Variants in KLHL8 observed in about 807,000 individuals in gnomAD.
KLHL8 encodes kelch like family member 8, also known as kelch-like protein 8.
KLHL8 carries 38 observed loss-of-function variants against 63.5 expected under a neutral mutation model. That is an observed-to-expected ratio of 0.60 (90% CI 0.46 to 0.78). The LOEUF (loss-of-function observed/expected upper bound fraction) is 0.78, where lower values mean the gene tolerates loss of function less well. Among genes scored for constraint, KLHL8 ranks in the 30% least tolerant of loss-of-function variants. KLHL8 has a pLI of 0.00. For missense variants in KLHL8, 566 were observed against 752.4 expected (o/e 0.75, Z 2.90); for synonymous variants, 224 against 254.3 (o/e 0.88, Z 1.13).
chr4:87,176,845 G>C lies in KLHL8; in HGVS notation c.1120C>G (p.His374Asp), dbSNP rs1188291814. ...CTCCCTAAATGTTCATTTCCATCAT[G>C]TCCACCTACTGCATACACTTTACCT... ...VEGKVYAVGGHDGNEHLGSME... is the reference protein window; with the variant it reads ...VEGKVYAVGGDDGNEHLGSME... Residue 374 changes from histidine to aspartate, a missense_variant, in exon 6 of 10, where the codon CAT becomes GAT. By Grantham distance (81) the His-to-Asp change is moderately conservative. Transcript: ENST00000273963. The C allele has an allele frequency of 6.2e-7, 1 of 1,602,746 alleles. No homozygotes were observed. Among genetic ancestry groups the C allele is most frequent in the Non-Finnish European group, 8.5e-7 (1 of 1,173,660 alleles).
chr4:87,223,742 T>C (rs1732924799), upstream of KLHL8, among the ~76,000 whole-genome samples: 1 of 152,220 alleles, frequency 6.6e-6, no homozygotes, highest in South Asian at 2.1e-4. Context: ...TAAAAAGTGA[T>C]ATATCTGTAA....
At chr4:87,213,650 T>G (rs1248361941) in intron 1 of KLHL8, among the ~76,000 whole-genome samples, 1 of 152,218 alleles carries the variant, frequency 6.6e-6, no homozygotes, top group African/African-American at 2.4e-5. Context: ...ATGTCTTTAT[T>G]TTTAAAAGAA....
intron 1 of KLHL8, among the ~76,000 whole-genome samples, chr4:87,216,865 A>G (rs1732615758): frequency 1.3e-5 from 2 of 152,262 alleles, no homozygotes; most frequent in Non-Finnish European, 2.9e-5. Context: ...AGTTGATTAT[A>G]GCTTAGAGAA....
chr4:87,220,092 G>A (rs933244590), intron 1 of KLHL8: 1 of 152,726 alleles, frequency 6.5e-6, no homozygotes, highest in Non-Finnish European at 1.5e-5. Context: ...TGCCGGGGAG[G>A]CTGACAGAGC....
intron 6 of KLHL8, among the ~76,000 whole-genome samples, chr4:87,176,098 A>C (rs1320405096): frequency 6.6e-6 from 1 of 152,242 alleles, no homozygotes; most frequent in Non-Finnish European, 1.5e-5. Flanking sequence ...AGATTAATTA[A>C]TACTACTGTT....
chr4:87,193,058 T>C (rs1309179424), intron 2 of KLHL8, among the ~76,000 whole-genome samples: 2 of 152,186 alleles, frequency 1.3e-5, no homozygotes, highest in East Asian at 1.9e-4. Context: ...TGTACACTTA[T>C]GCTACACTAA....
At chr4:87,189,805 G>A (rs555248220) in intron 2 of KLHL8, among the ~76,000 whole-genome samples, 4 of 151,922 alleles carry the variant, frequency 2.6e-5, no homozygotes, top group East Asian at 1.9e-4. Flanking sequence ...CGAGGAGGGC[G>A]GATCAGGAGG....
At chr4:87,179,822 A>T (rs756938962) in intron 4 of KLHL8, among the ~76,000 whole-genome samples, 3 of 152,054 alleles carry the variant, frequency 2.0e-5, no homozygotes, top group Non-Finnish European at 4.4e-5. Context: ...AAATTTTGTT[A>T]TATATATTTT....
At chr4:87,207,066 T>C (rs559012901) in intron 1 of KLHL8, 38 of 441,548 alleles carry the variant, frequency 8.6e-5, no homozygotes, top group African/African-American at 5.7e-4. Context: ...TTCTCATGCA[T>C]TGCCAGCTGC....
At position 87,160,202 on chromosome 4, in the gene KLHL8, T is replaced by C. The variant is rs1324918512; in HGVS notation, c.*3317A>G. The C allele has an allele frequency of 6.6e-6, 1 of 152,192 alleles. No homozygotes were observed. The highest frequency in any genetic ancestry group is 1.5e-5 in the Non-Finnish European group (1 of 68,000). 9.4% of individuals were successfully genotyped at this position (152,192 alleles called of 1,614,324 possible). A position where few individuals can be genotyped will look rare whatever the true frequency, so the allele number is the denominator to read the frequency against. ...CATAGTTGGTGATATATATGACCAC[T>C]TATTACATTGATTTTCTGGAGTATT... On this transcript the variant is annotated 3_prime_UTR_variant, in exon 10 of 10. Transcript: ENST00000273963.
upstream of KLHL8, among the ~76,000 whole-genome samples, chr4:87,222,893 TA>T (rs377716478): frequency 2.6e-5 from 4 of 152,192 alleles, no homozygotes; most frequent in African/African-American, 7.2e-5. Flanking sequence ...CTACAATATG[TA>T]TTTAGTAAGA....
chr4:87,183,718 C>T (rs1350931100), intron 3 of KLHL8, among the ~76,000 whole-genome samples: 1 of 152,160 alleles, frequency 6.6e-6, no homozygotes, highest in Admixed American at 6.5e-5. Context: ...CTTCCAAAAA[C>T]GGTACTGACA....
chr4:87,186,262 G>A (rs1731251346), intron 2 of KLHL8, among the ~76,000 whole-genome samples: 1 of 151,816 alleles, frequency 6.6e-6, no homozygotes, highest in Non-Finnish European at 1.5e-5. Context: ...TGGCCAGGTT[G>A]GTCTTGAACT....
At chr4:87,214,595 T>C (rs1249488586) in intron 1 of KLHL8, among the ~76,000 whole-genome samples, 2 of 151,714 alleles carry the variant, frequency 1.3e-5, no homozygotes, top group African/African-American at 4.8e-5. Flanking sequence ...CAAGGTCTCA[T>C]AGCTATGAAG....
intron 1 of KLHL8, among the ~76,000 whole-genome samples, chr4:87,226,697 ATT>A (rs1491572056): frequency 6.8e-5 from 1 of 14,700 alleles, no homozygotes; most frequent in African/African-American, 2.9e-4. Context: ...TATATATATT[ATT>A]TATATATAAT....
At chr4:87,233,354 G>A (rs1417941839) in intron 1 of KLHL8, among the ~76,000 whole-genome samples, 3 of 152,106 alleles carry the variant, frequency 2.0e-5, no homozygotes, top group East Asian at 1.9e-4. Flanking sequence ...TTGGGAGGCC[G>A]AGGCGGGTGG....
chr4:87,218,242 CTT>C (rs538856327), intron 1 of KLHL8, among the ~76,000 whole-genome samples: 10 of 145,408 alleles, frequency 6.9e-5, no homozygotes, highest in Non-Finnish European at 6.1e-5. Context: ...ATTTACCCAA[CTT>C]TTTTTTTTTT....
chr4:87,232,590 GC>G (rs1392344727), intron 1 of KLHL8, among the ~76,000 whole-genome samples: 1 of 152,184 alleles, frequency 6.6e-6, no homozygotes, highest in Non-Finnish European at 1.5e-5. Context: ...ACTAAAAAAT[GC>G]CAAATTGTCT....
chr4:87,207,656 C>T (rs1560712870), intron 1 of KLHL8: 1 of 1,172,730 alleles, frequency 8.5e-7, no homozygotes, highest in African/African-American at 1.5e-5. Flanking sequence ...GTGGATGGCC[C>T]CTCTGGGAAA....
Sources: allele counts gnomAD v4.1 joint callset (sites outside exome capture counted in the v4.1 genomes callset), GRCh38; gene constraint gnomAD v4.1.1; transcripts MANE v1.5; gene names NCBI Gene and HGNC (gene_info 2026-07-23, HGNC 2026-07-21).